The following NEBL variants were observed in gnomAD, a reference collection of about 807,000 sequenced individuals.
NEBL encodes LIM and SH3 protein 2.
Under a neutral mutation model 140.2 loss-of-function variants are expected in NEBL, and 122 were observed. The ratio of observed to expected loss-of-function variants is 0.87; its 90% CI spans 0.75 to 1.01. The LOEUF (loss-of-function observed/expected upper bound fraction) is 1.01, where lower values mean the gene tolerates loss of function less well. Ranked by LOEUF, NEBL falls within the 50% of genes least tolerant of loss-of-function variation. The pLI, the probability that NEBL is intolerant of heterozygous loss-of-function variation, is 0.00. For synonymous variants in NEBL, 436 were observed against 398.9 expected, an observed-to-expected ratio of 1.09 and a Z score of -1.11; for missense variants, 1,365 against 1,231.3, an observed-to-expected ratio of 1.11 and a Z score of -1.62.
chr10:21,266,302 C>T (rs188497224), intron 1 of NEBL, among the ~76,000 whole-genome samples: 10 of 151,942 alleles, frequency 6.6e-5, no homozygotes, highest in East Asian at 5.8e-4. Context: ...CCACCATGCC[C>T]GGCTAATTTT....
intron 2 of NEBL, among the ~76,000 whole-genome samples, chr10:21,038,692 A>G (rs929982013): frequency 1.3e-5 from 2 of 152,186 alleles, no homozygotes; most frequent in African/African-American, 4.8e-5. Context: ...GAGTCTTTAT[A>G]GTAGAATGAT....
chr10:21,270,409 C>G (rs1842848328), intron 1 of NEBL, among the ~76,000 whole-genome samples: 1 of 151,612 alleles, frequency 6.6e-6, no homozygotes, highest in South Asian at 2.1e-4. Flanking sequence ...CTCTGTCACC[C>G]AGGCTGCAGT....
intron 2 of NEBL, among the ~76,000 whole-genome samples, chr10:21,159,383 C>T (rs1190050382): frequency 6.6e-6 from 1 of 152,146 alleles, no homozygotes; most frequent in South Asian, 2.1e-4. Flanking sequence ...TCCCCTACAC[C>T]GTTTGAAGGT....
intron 1 of NEBL, among the ~76,000 whole-genome samples, chr10:21,270,955 C>T (rs12762379): frequency 0.12 from 18,782 of 152,202 alleles, 1,831 homozygotes; most frequent in African/African-American, 0.26. Flanking sequence ...TTATGGAAAA[C>T]AGTATGTCAG....
chr10:20,945,903 A>T (rs1020386534), intron 4 of NEBL, among the ~76,000 whole-genome samples: 1 of 152,236 alleles, frequency 6.6e-6, no homozygotes, highest in South Asian at 2.1e-4. Flanking sequence ...ATTGTATGCA[A>T]TTAAATAATT....
At chr10:21,287,732 T>C (rs766442922) in intron 1 of NEBL, among the ~76,000 whole-genome samples, 7 of 152,164 alleles carry the variant, frequency 4.6e-5, no homozygotes, top group Non-Finnish European at 5.9e-5. Context: ...ACATACTGAA[T>C]TGGCAAAATC....
At chr10:20,818,232 A>G (rs1357765853) in intron 20 of NEBL, among the ~76,000 whole-genome samples, 1 of 146,214 alleles carries the variant, frequency 6.8e-6, no homozygotes, top group African/African-American at 2.5e-5. Context: ...TTGGAAAAAG[A>G]AGGCTTTTGT....
chr10:21,210,983 C>T (rs1841906321), intron 3 of NEBL, among the ~76,000 whole-genome samples: 1 of 152,160 alleles, frequency 6.6e-6, no homozygotes, highest in East Asian at 1.9e-4. Flanking sequence ...TCTTTGGAAA[C>T]ACTGTAAAAT....
At chr10:20,880,666 G>T in intron 5 of NEBL, 128 bp downstream of exon 5, 1 of 754,786 alleles carries the variant, frequency 1.3e-6, no homozygotes, top group Non-Finnish European at 2.4e-6. Context: ...ACCTCTGACT[G>T]ATAAGAAATA....
intron 2 of NEBL, chr10:21,146,635 G>C: frequency 1.5e-6 from 1 of 663,066 alleles, no homozygotes. Flanking sequence ...ATTTGAAATA[G>C]ATTTGTTGAC....
intron 2 of NEBL, among the ~76,000 whole-genome samples, chr10:21,168,616 T>A (rs1840900977): frequency 1.3e-5 from 2 of 152,168 alleles, no homozygotes; most frequent in Non-Finnish European, 1.5e-5. Flanking sequence ...TAATAATGCA[T>A]TTGTTAATTT....
At chr10:21,107,848 C>T (rs571728975) in intron 2 of NEBL, among the ~76,000 whole-genome samples, 71 of 152,136 alleles carry the variant, frequency 4.7e-4, no homozygotes, top group Non-Finnish European at 7.9e-4. Context: ...ATTTCAGAAC[C>T]TGTCATTGGT....
At chr10:21,253,521 G>A (rs115064611) in intron 1 of NEBL, among the ~76,000 whole-genome samples, 2,483 of 149,572 alleles carry the variant, frequency 0.017, 65 homozygotes, top group African/African-American at 0.058. Context: ...GTGGGAAAAC[G>A]TCATTACTTT....
intron 3 of NEBL, among the ~76,000 whole-genome samples, chr10:21,196,809 A>C (rs1841660158): frequency 6.6e-6 from 1 of 152,238 alleles, no homozygotes; most frequent in South Asian, 2.1e-4. Context: ...CATTGGTATC[A>C]CTTTGACCCA....
At chr10:21,106,702 G>GT (rs1438071315) in intron 2 of NEBL, among the ~76,000 whole-genome samples, 1 of 152,156 alleles carries the variant, frequency 6.6e-6, no homozygotes, top group Admixed American at 6.6e-5. Context: ...CTTTAAAGTA[G>GT]TTTTTTCCAA....
chr10:20,840,160 T>G (rs953530393), intron 13 of NEBL, among the ~76,000 whole-genome samples: 2 of 152,120 alleles, frequency 1.3e-5, no homozygotes, highest in Non-Finnish European at 2.9e-5. Context: ...GGCTTTAAGC[T>G]CTTTCACTGC....
chr10:21,086,570 G>A lies in NEBL; in HGVS notation c.165-66369C>T, dbSNP rs187516757. On this transcript the variant is annotated intron_variant, in intron 2 of 6. Transcript: ENST00000417816. ...AGGCAGGAGGATCACTTGAGCTCAG[G>A]AATTTGAGACCAGCCAGAGCAACAT... 2.7e-4 allele frequency among the ~76,000 whole-genome samples: 41 copies of A among 152,258 alleles called. 1 individual carries two copies. In the East Asian group the frequency reaches 7.3e-3, roughly 27 times the overall value.
chr10:21,034,376 T>C (rs1833931837), intron 2 of NEBL, among the ~76,000 whole-genome samples: 1 of 152,134 alleles, frequency 6.6e-6, no homozygotes, highest in Admixed American at 6.6e-5. Context: ...GCCTAGCTTA[T>C]GGGCTACCTC....
intron 4 of NEBL, among the ~76,000 whole-genome samples, chr10:20,933,972 C>G (rs1834339044): frequency 6.6e-6 from 1 of 151,952 alleles, no homozygotes; most frequent in African/African-American, 2.4e-5. Flanking sequence ...GTTTCACTAT[C>G]TTTACTTTTG....
Sources: allele counts gnomAD v4.1 joint callset (sites outside exome capture counted in the v4.1 genomes callset), GRCh38; gene constraint gnomAD v4.1.1; transcripts MANE v1.5; gene names NCBI Gene and HGNC (gene_info 2026-07-23, HGNC 2026-07-21).